HUNK: variants seen among roughly 807,000 people sequenced by gnomAD.
The protein encoded by HUNK is hormonally up-regulated Neu-associated kinase.
In HUNK, 21 loss-of-function variants were observed where a neutral mutation model predicts 61.0. That is an observed-to-expected ratio of 0.34 (90% CI 0.24 to 0.50). HUNK has a LOEUF of 0.50. Ranked by LOEUF, HUNK falls within the 20% of genes least tolerant of loss-of-function variation. The probability of loss-of-function intolerance (pLI) is 0.98; values close to 1 mark genes in which losing one functional copy is unlikely to be tolerated. For missense variants in HUNK, 772 were observed against 945.7 expected (o/e 0.82, Z 2.41); for synonymous variants, 371 against 386.1 (o/e 0.96, Z 0.46).
chr21:31,912,490 A>C (rs1434619020), intron 1 of HUNK, among the ~76,000 whole-genome samples: 1 of 151,904 alleles, frequency 6.6e-6, no homozygotes, highest in African/African-American at 2.4e-5. Flanking sequence ...GGGGGAGGAG[A>C]GGGGTAGAGT....
intron 4 of HUNK, among the ~76,000 whole-genome samples, chr21:31,951,239 T>A (rs1448841342): frequency 6.6e-6 from 1 of 151,380 alleles, no homozygotes; most frequent in Admixed American, 6.6e-5. Flanking sequence ...GTGTCTCCAA[T>A]GAACTTTGAG....
intron 1 of HUNK, among the ~76,000 whole-genome samples, chr21:31,877,106 G>C (rs2052268886): frequency 6.6e-6 from 1 of 152,208 alleles, no homozygotes; most frequent in African/African-American, 2.4e-5. Flanking sequence ...TAGGGAAACA[G>C]AAGTTGAGAG....
chr21:31,951,961 C>G (rs973206480), intron 4 of HUNK, among the ~76,000 whole-genome samples: 2 of 151,888 alleles, frequency 1.3e-5, no homozygotes, highest in Non-Finnish European at 2.9e-5. Context: ...GAACCTTAGG[C>G]CTTTTGACTT....
chr21:31,972,920 C>T (rs1378311965), intron 6 of HUNK, among the ~76,000 whole-genome samples: 1 of 152,056 alleles, frequency 6.6e-6, no homozygotes, highest in Non-Finnish European at 1.5e-5. Context: ...GCTCTCGGTG[C>T]CCCTGCCAAC....
At chr21:31,890,686 T>C (rs903104921) in intron 1 of HUNK, among the ~76,000 whole-genome samples, 29 of 152,222 alleles carry the variant, frequency 1.9e-4, no homozygotes, top group African/African-American at 7.0e-4. Flanking sequence ...TCCTTGTATG[T>C]TCATCTCTGA....
intron 5 of HUNK, among the ~76,000 whole-genome samples, chr21:31,959,309 T>C (rs1365027746): frequency 1.3e-5 from 2 of 152,104 alleles, no homozygotes; most frequent in Non-Finnish European, 1.5e-5. Context: ...CACCATCTTA[T>C]GATGCTGACT....
At position 31,940,227 on chromosome 21, in the gene HUNK, C is replaced by CT. The variant is rs74265539; in HGVS notation, c.610+21dup. The stretch of plus-strand genomic sequence containing the variant: ...AATAATATCAAGCTGATTGGTATGA[C>CT]TTTTTTTTTTTTTTAAGCAAAAGTA... On this transcript the variant is annotated splice_region_variant and intron_variant, in intron 3 of 10. Coordinates refer to ENST00000270112, the MANE Select transcript of HUNK (RefSeq NM_014586.2). 0.043 allele frequency: 54,798 copies of CT among 1,262,852 alleles called. 33 individuals are homozygous for CT. Among genetic ancestry groups the CT allele is most frequent in the African/African-American group, 0.067 (4,148 of 62,180 alleles). The allele number at this position is 1,262,852 out of a possible 1,614,324, so 78.2% of individuals were successfully genotyped here.
chr21:31,917,740 ACACACACACACACACACC>A (rs1254071157), intron 1 of HUNK, among the ~76,000 whole-genome samples: 1 of 140,314 alleles, frequency 7.1e-6, no homozygotes, highest in African/African-American at 3.1e-5. Context: ...ACACACACAC[ACACACACACACACACACC>A]CCTGGACTGA....
intron 2 of HUNK, among the ~76,000 whole-genome samples, chr21:31,930,501 C>T (rs1454915496): frequency 6.6e-6 from 1 of 152,228 alleles, no homozygotes; most frequent in Admixed American, 6.5e-5. Flanking sequence ...CAGCTCCAGG[C>T]TCACCTTCTC....
At chr21:31,885,267 A>G (rs1482168277) in intron 1 of HUNK, among the ~76,000 whole-genome samples, 2 of 152,246 alleles carry the variant, frequency 1.3e-5, no homozygotes, top group Non-Finnish European at 2.9e-5. Context: ...GTATTAGTAC[A>G]TTAATGCGTG....
intron 5 of HUNK, among the ~76,000 whole-genome samples, chr21:31,961,675 G>T (rs752966855): frequency 7.9e-5 from 12 of 152,174 alleles, no homozygotes; most frequent in Non-Finnish European, 1.5e-4. Context: ...CTCTGTAGGG[G>T]TTATATAGTC....
At position 31,999,335 on chromosome 21, in the gene HUNK, C is replaced by A; in HGVS notation, c.*151C>A. ...CCACAGACCCAAAGCCTGCACAACC[C>A]AACCTCGCTTAGGGACCCCCAGAGA... On this transcript the variant is annotated 3_prime_UTR_variant, in exon 11 of 11. Coordinates refer to ENST00000270112, the MANE Select transcript of HUNK (RefSeq NM_014586.2). The A allele has an allele frequency of 1.4e-6, 1 of 712,076 alleles. No individual in the cohort carries two copies. Among genetic ancestry groups the A allele is most frequent in the Non-Finnish European group, 2.3e-6 (1 of 438,970 alleles). The allele number at this position is 712,076 out of a possible 1,614,324, so 44.1% of individuals were successfully genotyped here. A position where few individuals can be genotyped will look rare whatever the true frequency, so the allele number is the denominator to read the frequency against.
intron 1 of HUNK, among the ~76,000 whole-genome samples, chr21:31,903,316 T>C (rs767519457): frequency 1.2e-4 from 18 of 152,346 alleles, no homozygotes; most frequent in Non-Finnish European, 1.8e-4. Flanking sequence ...TTGAAGTCGA[T>C]GATATTCTGC....
At chr21:31,974,841 G>A in intron 7 of HUNK, 124 bp downstream of exon 7, 1 of 933,976 alleles carries the variant, frequency 1.1e-6, no homozygotes, top group Non-Finnish European at 1.5e-6. Flanking sequence ...GTGAGGCTGA[G>A]TTTTCTGAAT....
At chr21:31,885,368 C>T (rs549607651) in intron 1 of HUNK, among the ~76,000 whole-genome samples, 11 of 152,326 alleles carry the variant, frequency 7.2e-5, no homozygotes, top group African/African-American at 2.4e-4. Flanking sequence ...GGCCGACAGG[C>T]GGGCCCTGCT....
rs1391244743 is a variant in HUNK, at chr21:31,996,049, TGATTCCTGTG to T, written c.1486+102_1486+111del. 3 of 861,314 alleles carry T rather than the reference TGATTCCTGTG, an allele frequency of 3.5e-6. No homozygotes were observed. In the East Asian group the frequency reaches 8.0e-5, roughly 23 times the overall value. The allele number at this position is 861,314 out of a possible 1,614,324, so 53.4% of individuals were successfully genotyped here. A position where few individuals can be genotyped will look rare whatever the true frequency, so the allele number is the denominator to read the frequency against. ...GGTCGAATGGGCCCTAGAGCAGAGA[TGATTCCTGTG>T]CCCACAGAAAAGCAGGATTAATGGA... On this transcript the variant is annotated intron_variant, in intron 10 of 10. Coordinates refer to ENST00000270112, the MANE Select transcript of HUNK (RefSeq NM_014586.2).
At chr21:31,988,131 C>T (rs2053146385) in intron 8 of HUNK, among the ~76,000 whole-genome samples, 1 of 152,130 alleles carries the variant, frequency 6.6e-6, no homozygotes, top group South Asian at 2.1e-4. Context: ...ACCTCTTTTT[C>T]CTGTCAAAGG....
At chr21:31,968,139 C>T in intron 5 of HUNK, 111 bp from the exon 6 acceptor site, 2 of 1,275,632 alleles carry the variant, frequency 1.6e-6, no homozygotes, top group Non-Finnish European at 2.2e-6. Context: ...ATCACCCCAG[C>T]AGTGACTCGG....
intron 2 of HUNK, among the ~76,000 whole-genome samples, chr21:31,939,762 G>T (rs2052757634): frequency 1.4e-5 from 2 of 142,428 alleles, no homozygotes; most frequent in Non-Finnish European, 1.5e-5. Flanking sequence ...ATCTGATGTT[G>T]CTCATAGTGT....
Sources: gnomAD v4.1 joint callset for allele counts (sites outside exome capture counted in the v4.1 genomes callset) on GRCh38, gnomAD v4.1.1 for gene constraint, MANE v1.5 for transcripts, NCBI Gene and HGNC (gene_info 2026-07-23, HGNC 2026-07-21) for gene names.